Variants in KLHDC8B observed in about 807,000 individuals in gnomAD.
KLHDC8B encodes the protein kelch domain-containing protein 8B.
Under a neutral mutation model 26.3 loss-of-function variants are expected in KLHDC8B, and 19 were observed. The observed-to-expected ratio is 0.72, with a 90% confidence interval of 0.50 to 1.06. The LOEUF is 1.06. Ranked by LOEUF, KLHDC8B falls within the 50% of genes least tolerant of loss-of-function variation. The pLI, the probability that KLHDC8B is intolerant of heterozygous loss-of-function variation, is 0.00. For synonymous variants in KLHDC8B, 150 were observed against 188.4 expected (o/e 0.80, Z 1.67); for missense variants, 411 against 488.1 (o/e 0.84, Z 1.49).
chr3:49,174,953 T>G lies in KLHDC8B; in HGVS notation c.753T>G (p.Phe251Leu). The G allele has an allele frequency of 6.2e-7, 1 of 1,614,092 alleles. No individual in the cohort carries two copies. The highest frequency in any genetic ancestry group is 8.5e-7 in the Non-Finnish European group (1 of 1,180,036). ...RPHFVNTVEMFDLEHGSWTKL... is the reference protein window; with the variant it reads ...RPHFVNTVEMLDLEHGSWTKL... ...ACTTTGTCAACACTGTGGAGATGTTTGACCTGGAGCATGGTGAGCAGTGGC... is the reference window on the plus strand; with the variant it reads ...ACTTTGTCAACACTGTGGAGATGTTGGACCTGGAGCATGGTGAGCAGTGGC... Residue 251 changes from phenylalanine (F) to leucine (L), a missense_variant, in exon 4 of 6, where the codon TTT becomes TTG. Transcript: ENST00000332780.
chr3:49,175,198 C>A (rs757832194), intron 5 of KLHDC8B, 35 bp downstream of exon 5: 1 of 1,556,204 alleles, frequency 6.4e-7, no homozygotes, highest in Admixed American at 1.7e-5. Flanking sequence ...AGGAGGGAGT[C>A]CCAAGACAGG....
At chr3:49,173,583 G>A (rs1160336749) in intron 2 of KLHDC8B, among the ~76,000 whole-genome samples, 1 of 152,192 alleles carries the variant, frequency 6.6e-6, no homozygotes, top group African/African-American at 2.4e-5. Flanking sequence ...AGCTGATCTG[G>A]GATGGTTGCC....
Position 49,172,990 on chromosome 3 carries a change from C to T in KLHDC8B, c.221C>T (p.Ala74Val), listed in dbSNP as rs756357057. The change falls in exon 2 of 6, where the codon GCG (alanine) becomes GTG (valine). Residue 74 changes from alanine (A) to valine (V), a missense_variant. Ala to Val is a moderately conservative substitution (Grantham distance 64). Transcript: ENST00000332780. Reference protein sequence around the residue: ...PLPTARAGAAAVVLGKQVLVV... With the variant: ...PLPTARAGAAVVVLGKQVLVV... Reference sequence around the variant, plus strand: ...CCCACTGCCCGGGCTGGTGCAGCTGCGGTAGTTCTGGGCAAGCAGGTGCTA... The same window carrying T: ...CCCACTGCCCGGGCTGGTGCAGCTGTGGTAGTTCTGGGCAAGCAGGTGCTA... The T allele has an allele frequency of 2.5e-6, 4 of 1,613,776 alleles. No individual in the cohort carries two copies. The highest frequency in any genetic ancestry group is 2.2e-5 in the South Asian group (2 of 91,074).
Position 49,171,625 on chromosome 3 carries a change from C to A in KLHDC8B, c.-195C>A, listed in dbSNP as rs13096406. On this transcript the variant is annotated 5_prime_UTR_variant, in exon 1 of 6. Transcript: ENST00000332780. ...AGCCCGACTTCAGCCCCAGCCAGAT[C>A]CCGCGTCAACGGAGGCGGAACGGCG... The A allele has an allele frequency of 0.099, 15,131 of 152,324 alleles. 819 individuals carry two copies. The highest frequency in any genetic ancestry group is 0.11 in the Middle Eastern group (33 of 294). The allele number at this position is 152,324 out of a possible 1,614,324, so 9.4% of individuals were successfully genotyped here. A position where few individuals can be genotyped will look rare whatever the true frequency, so the allele number is the denominator to read the frequency against.
intron 5 of KLHDC8B, 92 bp downstream of exon 5, chr3:49,175,255 C>T (rs2045815837): frequency 2.0e-6 from 2 of 1,020,300 alleles, no homozygotes; most frequent in Non-Finnish European, 2.9e-6. Flanking sequence ...CATCTCCAGG[C>T]ACTCCAGGGG....
chr3:49,175,024 T>C (rs764692621), intron 4 of KLHDC8B, 38 bp from the exon 5 acceptor site: 11 of 1,613,920 alleles, frequency 6.8e-6, no homozygotes, highest in Non-Finnish European at 9.3e-6. Flanking sequence ...AGGGGCATAG[T>C]GTGTACATGA....
At chr3:49,174,100 G>A in intron 2 of KLHDC8B, 139 bp from the exon 3 acceptor site, 1 of 578,154 alleles carries the variant, frequency 1.7e-6, no homozygotes, top group Non-Finnish European at 3.0e-6. Flanking sequence ...CTGCAGGCAG[G>A]TAGTAGAGTG....
intron 1 of KLHDC8B, among the ~76,000 whole-genome samples, chr3:49,172,333 C>G (rs895040726): frequency 6.6e-6 from 1 of 152,110 alleles, no homozygotes; most frequent in African/African-American, 2.4e-5. Context: ...GTTCTAGTCA[C>G]CTTACTACTG....
intron 2 of KLHDC8B, 104 bp from the exon 3 acceptor site, chr3:49,174,135 A>T: frequency 1.3e-6 from 1 of 757,952 alleles, no homozygotes; most frequent in Non-Finnish European, 2.2e-6. Context: ...GGGATGCTAT[A>T]AACACATGGG....
chr3:49,171,856 G>A (rs1157176573), intron 1 of KLHDC8B, among the ~76,000 whole-genome samples, 171 bp downstream of exon 1: 2 of 152,244 alleles, frequency 1.3e-5, no homozygotes, highest in Non-Finnish European at 2.9e-5. Context: ...GGTGGCTGGA[G>A]AACTTGGGGA....
intron 1 of KLHDC8B, among the ~76,000 whole-genome samples, chr3:49,172,148 C>T (rs536859116): frequency 6.6e-6 from 1 of 152,260 alleles, no homozygotes; most frequent in African/African-American, 2.4e-5. Context: ...TTAAATTAAC[C>T]CTGTGGAATG....
At chr3:49,173,250 C>A in intron 2 of KLHDC8B, 105 bp downstream of exon 2, 1 of 1,198,352 alleles carries the variant, frequency 8.3e-7, no homozygotes, top group African/African-American at 1.5e-5. Flanking sequence ...GTAATTTTTA[C>A]ATGGGTGCCC....
chr3:49,174,242 G>A lies in KLHDC8B; in HGVS notation c.380G>A (p.Gly127Asp), dbSNP rs1417104480. 1.2e-6 allele frequency: 2 copies of A among 1,608,988 alleles called. No homozygotes were observed. Among genetic ancestry groups the A allele is most frequent in the Non-Finnish European group, 1.7e-6 (2 of 1,176,294 alleles). ...TGAACTACTCTTTTCTATGCAGATG[G>A]TATGGTGTATGCTCTGGGGGGAATG... ...AMGVATVERD[G>D]MVYALGGMGP... Residue 127 changes from glycine to aspartate, a missense_variant, in exon 3 of 6, where the codon GGT (glycine) becomes GAT (aspartate). Physicochemically the swap from Gly to Asp is moderately conservative, Grantham distance 94 (BLOSUM62 -1). Coordinates refer to ENST00000332780, the MANE Select transcript of KLHDC8B (RefSeq NM_173546.3).
At chr3:49,172,389 G>A (rs1204619763) in intron 1 of KLHDC8B, among the ~76,000 whole-genome samples, 1 of 152,158 alleles carries the variant, frequency 6.6e-6, no homozygotes, top group Non-Finnish European at 1.5e-5. Context: ...GGTTTGGGTA[G>A]TGGGTGAGAA....
intron 1 of KLHDC8B, among the ~76,000 whole-genome samples, chr3:49,172,348 C>T (rs1054432387): frequency 7.2e-5 from 11 of 152,130 alleles, no homozygotes; most frequent in African/African-American, 2.2e-4. Context: ...CTACTGCCCT[C>T]CTAGACCCAG....
chr3:49,174,806 G>A lies in KLHDC8B; in HGVS notation c.606G>A (p.Trp202Ter). 1 of 1,614,012 alleles carries A rather than the reference G, an allele frequency of 6.2e-7. No homozygotes were observed. Among genetic ancestry groups the A allele is most frequent in the East Asian group, 2.2e-5 (1 of 44,880 alleles). ...FEAFDLEART[W>*]TRHPSLPSRR... ...CCTTTGATCTGGAGGCCCGTACATG[G>A]ACCCGGCATCCAAGCCTACCCAGCC... Residue 202 changes from tryptophan to a stop codon, truncating the protein, a stop_gained, in exon 4 of 6, where the codon TGG becomes TGA. Transcript: ENST00000332780. LOFTEE classifies it high-confidence loss of function.
In KLHDC8B at chr3:49,173,100, G is replaced by A. The variant is rs1330455082; in HGVS notation, c.331G>A (p.Ala111Thr). 1.3e-6 allele frequency: 2 copies of A among 1,582,638 alleles called. No homozygotes were observed. Among genetic ancestry groups the A allele is most frequent in the Non-Finnish European group, 1.7e-6 (2 of 1,164,782 alleles). Residue 111 changes from alanine to threonine, a missense_variant, in exon 2 of 6, where the codon GCC (alanine) becomes ACC (threonine). Coordinates refer to ENST00000332780, the MANE Select transcript of KLHDC8B (RefSeq NM_173546.3). ...LMDEGRWERRATLPQAAMGVA... is the reference protein window; with the variant it reads ...LMDEGRWERRTTLPQAAMGVA... ...GGATGAGGGCCGCTGGGAGCGTCGG[G>A]CCACCCTCCCTCAAGCAGCCATGGG...
chr3:49,175,288 C>T lies in KLHDC8B; in HGVS notation c.868+125C>T, dbSNP rs1003660451. On this transcript the variant is annotated intron_variant, in intron 5 of 5. Coordinates refer to ENST00000332780, the MANE Select transcript of KLHDC8B (RefSeq NM_173546.3). ...GGGTCAGGGCTTTGTGAGCTCTTTT[C>T]CCTATCTATGAAGTAGGCAGGATGT... 51 of 749,364 alleles carry T rather than the reference C, an allele frequency of 6.8e-5. 1 individual carries two copies. The highest frequency in any genetic ancestry group is 2.7e-5 in the East Asian group (1 of 37,086). 46.4% of individuals were successfully genotyped at this position (749,364 alleles called of 1,614,324 possible). A position where few individuals can be genotyped will look rare whatever the true frequency, so the allele number is the denominator to read the frequency against.
At chr3:49,173,187 C>G (rs552840607) in intron 2 of KLHDC8B, 42 bp downstream of exon 2, 1 of 1,515,580 alleles carries the variant, frequency 6.6e-7, no homozygotes, top group East Asian at 2.5e-5. Context: ...TACCCTAACA[C>G]CTTTTATTAT....
Sources: allele counts gnomAD v4.1 joint callset (sites outside exome capture counted in the v4.1 genomes callset), GRCh38; gene constraint gnomAD v4.1.1; transcripts MANE v1.5; gene names NCBI Gene and HGNC (gene_info 2026-07-23, HGNC 2026-07-21).